TERB2: variants seen among roughly 807,000 people sequenced by gnomAD.
The protein encoded by TERB2 is telomere repeat binding bouquet formation protein 2.
Under a neutral mutation model 29.8 loss-of-function variants are expected in TERB2, and 26 were observed. The observed-to-expected ratio is 0.87, with a 90% CI of 0.64 to 1.21. The LOEUF (loss-of-function observed/expected upper bound fraction) is 1.21, where lower values mean the gene tolerates loss of function less well. Among genes scored for constraint, TERB2 ranks in the 50% most tolerant of loss-of-function variants. The pLI is 0.00. For synonymous variants in TERB2, 80 were observed against 90.8 expected, an observed-to-expected ratio of 0.88 and a Z score of 0.68; for missense variants, 240 against 268.6, an observed-to-expected ratio of 0.89 and a Z score of 0.74.
chr15:44,971,780 A>G (rs1205792188), intron 5 of TERB2, among the ~76,000 whole-genome samples: 3 of 151,782 alleles, frequency 2.0e-5, no homozygotes, highest in Non-Finnish European at 4.4e-5. Flanking sequence ...AGTAAAATAA[A>G]ATAATGAAAG....
chr15:44,958,652 A>T (rs1218078830), intron 3 of TERB2, 140 bp downstream of exon 3: 1 of 916,360 alleles, frequency 1.1e-6, no homozygotes, highest in Non-Finnish European at 1.6e-6. Context: ...TAAGTGGAAA[A>T]AGCATGGACT....
intron 4 of TERB2, among the ~76,000 whole-genome samples, chr15:44,962,183 C>CTG (rs1555405781): frequency 1.2e-4 from 17 of 138,230 alleles, no homozygotes; most frequent in South Asian, 4.8e-4. Flanking sequence ...TTTACCAGTT[C>CTG]TTTTTTTTTT....
At position 44,978,835 on chromosome 15, in the gene TERB2, T is replaced by C. The variant is rs1179029607; in HGVS notation, c.*207T>C. On this transcript the variant is annotated 3_prime_UTR_variant, in exon 7 of 7. Coordinates refer to ENST00000340827, the MANE Select transcript of TERB2 (RefSeq NM_152448.3). Reference sequence around the variant, plus strand: ...CCTAGCTTTTAACAACATGTTCAAATATTCTCAATGCACAGTTGTTAATGA... The same window carrying C: ...CCTAGCTTTTAACAACATGTTCAAACATTCTCAATGCACAGTTGTTAATGA... 5.8e-6 allele frequency: 3 copies of C among 517,052 alleles called. No homozygotes were observed. The Admixed American group carries it at 1.3e-4, about 22-fold the overall frequency. 32.0% of individuals were successfully genotyped at this position (517,052 alleles called of 1,614,324 possible).
At chr15:44,962,803 A>G (rs957231969) in intron 4 of TERB2, 21 of 152,352 alleles carry the variant, frequency 1.4e-4, no homozygotes, top group Admixed American at 3.9e-4. Flanking sequence ...ATAATGGATT[A>G]TAATATGTTA....
At chr15:44,957,995 G>T (rs1006735141) in intron 2 of TERB2, among the ~76,000 whole-genome samples, 1 of 152,078 alleles carries the variant, frequency 6.6e-6, no homozygotes, top group African/African-American at 2.4e-5. Flanking sequence ...TTCTATATGT[G>T]AAGCTTTCTC....
chr15:44,958,374 A>G lies in TERB2; in HGVS notation c.148A>G (p.Ile50Val). The change falls in exon 3 of 7, where the codon ATA becomes GTA. Residue 50 changes from isoleucine (I) to valine (V), a missense_variant and splice_region_variant. Coordinates refer to ENST00000340827, the MANE Select transcript of TERB2 (RefSeq NM_152448.3). Reference sequence around the variant, plus strand: ...AAATATTTCCTTTCTTTCTCCTAGAATATATCAGAGCCTTGATTACATAGA... The same window carrying G: ...AAATATTTCCTTTCTTTCTCCTAGAGTATATCAGAGCCTTGATTACATAGA... ...CDASHPDTLR[I>V]YQSLDYIEDN... is the part of the protein sequence containing the mutation. 6.2e-7 allele frequency: 1 copy of G among 1,607,318 alleles called. No individual in the cohort carries two copies. Among genetic ancestry groups the G allele is most frequent in the African/African-American group, 1.3e-5 (1 of 74,552 alleles).
At chr15:44,971,486 T>G (rs1162789681) in intron 5 of TERB2, among the ~76,000 whole-genome samples, 2 of 152,208 alleles carry the variant, frequency 1.3e-5, no homozygotes, top group Non-Finnish European at 2.9e-5. Context: ...CTGGGTGCGG[T>G]GGCTCACGCC....
At chr15:44,964,427 T>C (rs397833466) in intron 4 of TERB2, among the ~76,000 whole-genome samples, 315 of 152,276 alleles carry the variant, frequency 2.1e-3, no homozygotes, top group African/African-American at 7.2e-3. Context: ...TTTCCAGGAA[T>C]GTGAGCAGTA....
intron 2 of TERB2, 115 bp downstream of exon 2, chr15:44,957,092 T>G: frequency 9.2e-7 from 1 of 1,090,544 alleles, no homozygotes; most frequent in Non-Finnish European, 1.3e-6. Context: ...CGGACACCTA[T>G]AATCCCAGCT....
At chr15:44,965,498 ATAT>A (rs1314884149) in intron 4 of TERB2, among the ~76,000 whole-genome samples, 6 of 144,120 alleles carry the variant, frequency 4.2e-5, no homozygotes, top group African/African-American at 1.0e-4. Context: ...ATATAGATAT[ATAT>A]TATATTTATA....
At chr15:44,965,111 C>T (rs1255342441) in intron 4 of TERB2, among the ~76,000 whole-genome samples, 7 of 126,086 alleles carry the variant, frequency 5.6e-5, no homozygotes, top group Admixed American at 1.0e-4. Context: ...TGCAGTGAGC[C>T]GAGATTTTGC....
intron 5 of TERB2, among the ~76,000 whole-genome samples, chr15:44,966,955 C>G (rs1891901027): frequency 6.6e-6 from 1 of 152,092 alleles, no homozygotes. Context: ...AAAATACTAG[C>G]TGGGCATAGT....
intron 4 of TERB2, among the ~76,000 whole-genome samples, chr15:44,963,876 C>A (rs193104723): frequency 2.7e-3 from 347 of 128,596 alleles, no homozygotes; most frequent in African/African-American, 0.01. Flanking sequence ...GTGGCGGGAT[C>A]TCAAGCTTAC....
At chr15:44,973,988 G>A (rs1892007987) in intron 6 of TERB2, 33 bp downstream of exon 6, 4 of 1,472,280 alleles carry the variant, frequency 2.7e-6, no homozygotes, top group South Asian at 2.8e-5. Context: ...GTAAACTCAG[G>A]TAGGAAAGAA....
rs754200442 is a variant in TERB2 at position 44,958,336 on chromosome 15, C to CTTTCATAGGTTATGTTAG, written c.147-30_147-29insGGTTATGTTAGTTTCATA. 7.0e-6 allele frequency: 11 copies of CTTTCATAGGTTATGTTAG among 1,562,336 alleles called. No individual in the cohort carries two copies. The Admixed American group carries it at 2.2e-4, about 31-fold the overall frequency. Reference sequence around the variant, plus strand: ...TGAAAGGTTAAATACATTCTTGTTTCTTTCATAACCTAAAATATTTCCTTT... The same window carrying CTTTCATAGGTTATGTTAG: ...TGAAAGGTTAAATACATTCTTGTTTCTTTCATAGGTTATGTTAGTTTCATAACCTAAAATATTTCCTTT... On this transcript the variant is annotated intron_variant, in intron 2 of 6. Coordinates refer to ENST00000340827, the MANE Select transcript of TERB2 (RefSeq NM_152448.3).
chr15:44,967,689 A>T, intron 5 of TERB2, among the ~76,000 whole-genome samples: 1 of 147,690 alleles, frequency 6.8e-6, no homozygotes, highest in African/African-American at 2.5e-5. Flanking sequence ...TGTCTCACAG[A>T]GCAGTCAAAG....
In TERB2 at chr15:44,978,720, A is replaced by T; in HGVS notation, c.*92A>T. ...AAATGCTCCCTTTTGGTACTGGGGG[A>T]TAGTGAAATGGGAAATAATTTTTCT... On this transcript the variant is annotated 3_prime_UTR_variant, in exon 7 of 7. Coordinates refer to ENST00000340827, the MANE Select transcript of TERB2 (RefSeq NM_152448.3). The T allele has an allele frequency of 7.6e-7, 1 of 1,317,592 alleles. No homozygotes were observed. The highest frequency in any genetic ancestry group is 2.7e-5 in the East Asian group (1 of 36,968). The allele number at this position is 1,317,592 out of a possible 1,614,324, so 81.6% of individuals were successfully genotyped here. A position where few individuals can be genotyped will look rare whatever the true frequency, so the allele number is the denominator to read the frequency against.
At chr15:44,960,207 A>T (rs1344736322) in intron 3 of TERB2, among the ~76,000 whole-genome samples, 1 of 152,234 alleles carries the variant, frequency 6.6e-6, no homozygotes, top group East Asian at 1.9e-4. Flanking sequence ...AATTTTCAAA[A>T]ATCTGTTTTA....
At chr15:44,971,981 C>CTTTTTTTTT (rs71111900) in intron 5 of TERB2, among the ~76,000 whole-genome samples, 5 of 66,336 alleles carry the variant, frequency 7.5e-5, no homozygotes, top group Non-Finnish European at 8.0e-5. Flanking sequence ...GAAATAGAAG[C>CTTTTTTTTT]TTTTTTTTTT....
Sources: allele counts gnomAD v4.1 joint callset (sites outside exome capture counted in the v4.1 genomes callset), GRCh38; gene constraint gnomAD v4.1.1; transcripts MANE v1.5; gene names NCBI Gene and HGNC (gene_info 2026-07-23, HGNC 2026-07-21).